The following PLXDC2 variants were observed in gnomAD, a reference collection of about 807,000 sequenced individuals.
PLXDC2 encodes plexin domain containing 2, also known as plexin domain-containing protein 2.
In PLXDC2, 40 loss-of-function variants were observed where a neutral mutation model predicts 68.9. The ratio of observed to expected loss-of-function variants is 0.58; its 90% CI spans 0.45 to 0.76. The LOEUF is 0.76. Ranked by LOEUF, PLXDC2 falls within the 30% of genes least tolerant of loss-of-function variation. The pLI is 0.00. For synonymous variants in PLXDC2, 243 were observed against 234.2 expected, an observed-to-expected ratio of 1.04 and a Z score of -0.34; for missense variants, 644 against 661.9, an observed-to-expected ratio of 0.97 and a Z score of 0.30.
At chr10:20,216,441 A>G (rs1338399890) in intron 10 of PLXDC2, among the ~76,000 whole-genome samples, 1 of 152,172 alleles carries the variant, frequency 6.6e-6, no homozygotes, top group African/African-American at 2.4e-5. Flanking sequence ...AGACCCTAGT[A>G]TGTTTAGACT....
intron 1 of PLXDC2, among the ~76,000 whole-genome samples, chr10:20,001,424 A>T (rs1486379366): frequency 6.6e-6 from 1 of 152,216 alleles, no homozygotes; most frequent in African/African-American, 2.4e-5. Flanking sequence ...TTTTGTTTGG[A>T]TTCTAGCTTG....
chr10:19,882,942 T>C (rs1837756341), intron 1 of PLXDC2, among the ~76,000 whole-genome samples: 1 of 141,302 alleles, frequency 7.1e-6, no homozygotes, highest in Non-Finnish European at 1.5e-5. Context: ...AAAATTTTTT[T>C]TTTTTTTTTC....
chr10:20,141,869 A>G (rs936878004), intron 4 of PLXDC2, among the ~76,000 whole-genome samples: 1 of 152,200 alleles, frequency 6.6e-6, no homozygotes, highest in East Asian at 1.9e-4. Context: ...TTTGAAAGAT[A>G]GTGCTTGGCA....
chr10:20,205,514 G>T (rs1465510067), intron 9 of PLXDC2, among the ~76,000 whole-genome samples: 1 of 151,996 alleles, frequency 6.6e-6, no homozygotes, highest in Non-Finnish European at 1.5e-5. Context: ...AATATTCTAT[G>T]ATATTAGTTC....
At chr10:20,020,554 G>GAT (rs1447635322) in intron 2 of PLXDC2, among the ~76,000 whole-genome samples, 46 of 92,784 alleles carry the variant, frequency 5.0e-4, no homozygotes, top group African/African-American at 1.1e-3. Context: ...CTGTTCATGA[G>GAT]AGATATATAT....
intron 10 of PLXDC2, among the ~76,000 whole-genome samples, chr10:20,213,961 G>A (rs1024632634): frequency 6.6e-6 from 1 of 151,894 alleles, no homozygotes; most frequent in Non-Finnish European, 1.5e-5. Context: ...ACTCTGTGCT[G>A]TATTTGGAGC....
rs78453025 is a variant in PLXDC2, at chr10:19,854,833, T to C, written c.112+37642T>C. Among the ~76,000 whole-genome samples, 1,171 of 152,206 alleles carry C rather than the reference T, an allele frequency of 7.7e-3. 26 individuals carry two copies. The highest frequency in any genetic ancestry group is 0.027 in the African/African-American group (1,111 of 41,506). ...ACCCCAGTCCTGATAGTTTATGGAG[T>C]AGACACACATCTGTGAGCCTGGCCA... On this transcript the variant is annotated intron_variant, in intron 1 of 13. Coordinates refer to ENST00000377252, the MANE Select transcript of PLXDC2 (RefSeq NM_032812.9).
chr10:19,989,943 T>C (rs2131627608), intron 1 of PLXDC2, among the ~76,000 whole-genome samples: 1 of 152,000 alleles, frequency 6.6e-6, no homozygotes, highest in Middle Eastern at 3.4e-3. Context: ...AGTGAGGAGG[T>C]TTTGCCATGT....
At chr10:19,878,228 G>T (rs1479240283) in intron 1 of PLXDC2, among the ~76,000 whole-genome samples, 5 of 150,520 alleles carry the variant, frequency 3.3e-5, no homozygotes, top group African/African-American at 1.2e-4. Flanking sequence ...AAGAGATAGA[G>T]TCTCACTCTG....
chr10:19,872,957 T>G (rs1837567894), intron 1 of PLXDC2, among the ~76,000 whole-genome samples: 1 of 152,082 alleles, frequency 6.6e-6, no homozygotes, highest in Non-Finnish European at 1.5e-5. Context: ...TATCTAATCT[T>G]TATGCTGATT....
chr10:20,032,097 C>T (rs750937570), intron 2 of PLXDC2, among the ~76,000 whole-genome samples: 39 of 151,926 alleles, frequency 2.6e-4, no homozygotes, highest in Middle Eastern at 3.2e-3. Context: ...CTGGGATTAC[C>T]GGCTTAAGCC....
chr10:19,883,335 G>A (rs1036791878), intron 1 of PLXDC2, among the ~76,000 whole-genome samples: 1 of 152,146 alleles, frequency 6.6e-6, no homozygotes, highest in African/African-American at 2.4e-5. Context: ...AAGCATGAGA[G>A]GTGTTTAGTT....
At chr10:19,829,719 C>G (rs1003529942) in intron 1 of PLXDC2, among the ~76,000 whole-genome samples, 1 of 151,936 alleles carries the variant, frequency 6.6e-6, no homozygotes, top group Admixed American at 6.5e-5. Context: ...CAGAGTGAGA[C>G]TCCATATCAA....
intron 1 of PLXDC2, among the ~76,000 whole-genome samples, chr10:19,984,953 T>C (rs1834610660): frequency 6.6e-6 from 1 of 152,202 alleles, no homozygotes; most frequent in African/African-American, 2.4e-5. Context: ...CTGTCCCTAA[T>C]TTTTTCTTTA....
At chr10:20,119,331 G>A (rs909585858) in intron 4 of PLXDC2, among the ~76,000 whole-genome samples, 6 of 151,454 alleles carry the variant, frequency 4.0e-5, no homozygotes, top group Non-Finnish European at 7.4e-5. Flanking sequence ...GGGTGGGGCC[G>A]TTTTATAAGA....
intron 3 of PLXDC2, among the ~76,000 whole-genome samples, chr10:20,057,244 A>T (rs1183171303): frequency 6.6e-6 from 1 of 151,858 alleles, no homozygotes; most frequent in Non-Finnish European, 1.5e-5. Context: ...TAAATGGAAT[A>T]TAATTTTTTT....
intron 2 of PLXDC2, among the ~76,000 whole-genome samples, chr10:20,016,389 G>A (rs1257146945): frequency 6.6e-6 from 1 of 152,178 alleles, no homozygotes; most frequent in Non-Finnish European, 1.5e-5. Flanking sequence ...AGTAGAACTA[G>A]GTTGCTAACA....
chr10:19,848,108 C>T (rs984632510), intron 1 of PLXDC2, among the ~76,000 whole-genome samples: 9 of 151,910 alleles, frequency 5.9e-5, no homozygotes, highest in African/African-American at 1.5e-4. Flanking sequence ...TCACTTGAGC[C>T]CAGGACTTTG....
rs1836154201 is a variant in PLXDC2 at position 20,286,496 on chromosome 10, G to C, written c.*6677G>C. ...TTAACAGCAGTCTCTCTTTTTCTCA[G>C]CATTGCAAATATATATGTATATATA... On this transcript the variant is annotated 3_prime_UTR_variant, in exon 14 of 14. Coordinates refer to ENST00000377252, the MANE Select transcript of PLXDC2 (RefSeq NM_032812.9). 6.6e-6 allele frequency: 1 copy of C among 151,908 alleles called. No individual in the cohort carries two copies. Among genetic ancestry groups the C allele is most frequent in the African/African-American group, 2.4e-5 (1 of 41,344 alleles). The allele number at this position is 151,908 out of a possible 1,614,324, so 9.4% of individuals were successfully genotyped here.
Sources: gnomAD v4.1 joint callset for allele counts (sites outside exome capture counted in the v4.1 genomes callset) on GRCh38, gnomAD v4.1.1 for gene constraint, MANE v1.5 for transcripts, NCBI Gene and HGNC (gene_info 2026-07-23, HGNC 2026-07-21) for gene names.